Variants in TP63 observed in about 807,000 individuals in gnomAD.
TP63 encodes the protein tumor protein 63.
In TP63, 17 loss-of-function variants were observed where a neutral mutation model predicts 82.8. That is an observed-to-expected ratio of 0.21 (90% confidence interval 0.14 to 0.31). TP63 has a LOEUF of 0.31. Ranked by LOEUF, TP63 falls within the 10% of genes least tolerant of loss-of-function variation. TP63 has a pLI of 1.00. For missense variants in TP63, 648 were observed against 895.3 expected (o/e 0.72, Z 3.52); for synonymous variants, 330 against 321.7 (o/e 1.03, Z -0.28).
chr3:189,733,145 T>G (rs1720296637), intron 1 of TP63, among the ~76,000 whole-genome samples: 1 of 151,916 alleles, frequency 6.6e-6, no homozygotes, highest in African/African-American at 2.4e-5. Flanking sequence ...AGTAAGAACC[T>G]AGGGATAAAA....
chr3:189,896,664 C>A lies in TP63; in HGVS notation c.*2162C>A, dbSNP rs1407968564. ...AGGGTTTGAATAAACCTAGGACTTC[C>A]GAGCTATGTCAGTACTATTCAGGTA... On this transcript the variant is annotated 3_prime_UTR_variant, in exon 14 of 14. Transcript: ENST00000264731. The A allele has an allele frequency of 4.9e-6, 1 of 205,066 alleles. No homozygotes were observed. Among genetic ancestry groups the A allele is most frequent in the Non-Finnish European group, 1.0e-5 (1 of 99,838 alleles). 12.7% of individuals were successfully genotyped at this position (205,066 alleles called of 1,614,324 possible).
Position 189,734,623 on chromosome 3 carries a change from A to C in TP63, c.63-3117A>C, listed in dbSNP as rs373883938. Among the ~76,000 whole-genome samples, 30 of 152,172 alleles carry C rather than the reference A, an allele frequency of 2.0e-4. 1 individual carries two copies. The highest frequency in any genetic ancestry group is 7.2e-4 in the African/African-American group (30 of 41,526). On this transcript the variant is annotated intron_variant, in intron 1 of 13. Coordinates refer to ENST00000264731, the MANE Select transcript of TP63 (RefSeq NM_003722.5). ...ACCCTTTTTTCCCAGATAGTCACTT[A>C]ATGTCTGACCCACTCAATTTTCAGC...
At chr3:189,710,187 T>G (rs1718493092) in intron 1 of TP63, among the ~76,000 whole-genome samples, 1 of 152,164 alleles carries the variant, frequency 6.6e-6, no homozygotes, top group Non-Finnish European at 1.5e-5. Flanking sequence ...ACCTTCACTG[T>G]GTCCCTTGTA....
intron 3 of TP63, among the ~76,000 whole-genome samples, chr3:189,760,104 G>A (rs1438890629): frequency 1.3e-5 from 2 of 152,170 alleles, no homozygotes; most frequent in African/African-American, 4.8e-5. Flanking sequence ...AATTATGGGA[G>A]CTACAAAATG....
intron 10 of TP63, among the ~76,000 whole-genome samples, chr3:189,876,812 C>G (rs974544299): frequency 6.6e-6 from 1 of 152,146 alleles, no homozygotes; most frequent in African/African-American, 2.4e-5. Context: ...AAACAAAAAT[C>G]TAATTTCCTG....
At chr3:189,737,326 G>A (rs1163169481) in intron 1 of TP63, among the ~76,000 whole-genome samples, 5 of 152,096 alleles carry the variant, frequency 3.3e-5, no homozygotes, top group Non-Finnish European at 7.4e-5. Context: ...TTACATGCTG[G>A]TGGCAGAATG....
At chr3:189,752,032 TTATC>T (rs1317538897) in intron 3 of TP63, among the ~76,000 whole-genome samples, 1 of 152,184 alleles carries the variant, frequency 6.6e-6, no homozygotes, top group Non-Finnish European at 1.5e-5. Flanking sequence ...ATGAATTTGA[TTATC>T]TAATAGTTAT....
chr3:189,883,620 G>A (rs1455363398), intron 10 of TP63, among the ~76,000 whole-genome samples: 4 of 152,090 alleles, frequency 2.6e-5, no homozygotes, highest in African/African-American at 9.7e-5. Flanking sequence ...CCCTGTCCAG[G>A]GCTGTTACAT....
At chr3:189,694,376 AGT>A (rs1002205502) in intron 1 of TP63, among the ~76,000 whole-genome samples, 41 of 152,188 alleles carry the variant, frequency 2.7e-4, no homozygotes, top group Admixed American at 2.0e-4. Context: ...GTTTCACCTA[AGT>A]GTATTTTGCT....
At chr3:189,622,784 G>C in the TP63 span, among the ~76,000 whole-genome samples, 1 of 152,154 alleles carries the variant, frequency 6.6e-6, no homozygotes, top group African/African-American at 2.4e-5. Context: ...TTCTTAAGCC[G>C]TCTGAGTCTT....
At chr3:189,754,785 A>T (rs1381502821) in intron 3 of TP63, among the ~76,000 whole-genome samples, 1 of 152,116 alleles carries the variant, frequency 6.6e-6, no homozygotes, top group Non-Finnish European at 1.5e-5. Flanking sequence ...GTTGGTCTCT[A>T]TCAGGCTCCT....
At chr3:189,725,929 C>A (rs751364189) in intron 1 of TP63, among the ~76,000 whole-genome samples, 3 of 152,114 alleles carry the variant, frequency 2.0e-5, no homozygotes, top group Non-Finnish European at 4.4e-5. Context: ...CTGGCACGCA[C>A]CTGTAATCCC....
intron 1 of TP63, among the ~76,000 whole-genome samples, chr3:189,697,421 T>C (rs1368254998): frequency 6.6e-6 from 1 of 152,036 alleles, no homozygotes. Context: ...TATATTCTTT[T>C]GTCAATACCA....
intron 3 of TP63, among the ~76,000 whole-genome samples, chr3:189,795,480 AT>A (rs1459706155): frequency 2.0e-5 from 3 of 151,984 alleles, no homozygotes; most frequent in African/African-American, 4.8e-5. Context: ...TAAAGGTAAT[AT>A]TTTATATGGT....
At chr3:189,687,392 G>A (rs1325271401) in intron 1 of TP63, among the ~76,000 whole-genome samples, 1 of 152,182 alleles carries the variant, frequency 6.6e-6, no homozygotes, top group African/African-American at 2.4e-5. Flanking sequence ...TAGTTTGAAT[G>A]ATTCCACATT....
chr3:189,636,829 C>G (rs1729812457), intron 1 of TP63, among the ~76,000 whole-genome samples: 1 of 152,100 alleles, frequency 6.6e-6, no homozygotes, highest in Non-Finnish European at 1.5e-5. Flanking sequence ...TAAGGAGCAC[C>G]TCTTACCACC....
At chr3:189,799,747 C>T (rs957935936) in intron 3 of TP63, among the ~76,000 whole-genome samples, 1 of 152,100 alleles carries the variant, frequency 6.6e-6, no homozygotes, top group Non-Finnish European at 1.5e-5. Context: ...TAGGGATGCA[C>T]TATAACATTT....
chr3:189,801,064 A>G (rs1246678804), intron 3 of TP63, among the ~76,000 whole-genome samples: 2 of 152,150 alleles, frequency 1.3e-5, no homozygotes, highest in African/African-American at 4.8e-5. Flanking sequence ...TAGGATATGA[A>G]CTAGACAAAT....
chr3:189,730,040 G>A (rs139022578), intron 1 of TP63, among the ~76,000 whole-genome samples: 33 of 152,260 alleles, frequency 2.2e-4, no homozygotes, highest in African/African-American at 7.5e-4. Context: ...AAGCTAACCC[G>A]AAGACTCATT....
Sources: gnomAD v4.1 joint callset for allele counts (sites outside exome capture counted in the v4.1 genomes callset) on GRCh38, gnomAD v4.1.1 for gene constraint, MANE v1.5 for transcripts, NCBI Gene and HGNC (gene_info 2026-07-23, HGNC 2026-07-21) for gene names.